NEK7: variants seen among roughly 807,000 people sequenced by gnomAD.
NEK7 encodes the protein serine/threonine-protein kinase Nek7.
NEK7 carries 18 observed loss-of-function variants against 44.6 expected under a neutral mutation model. The ratio of observed to expected loss-of-function variants is 0.40; its 90% CI spans 0.28 to 0.60. The LOEUF (loss-of-function observed/expected upper bound fraction) is 0.60. NEK7 is among the 20% of genes least tolerant of loss of function. NEK7 has a pLI of 0.38. For missense variants in NEK7, 256 were observed against 366.5 expected, an observed-to-expected ratio of 0.70 and a Z score of 2.46; for synonymous variants, 130 against 121.1, an observed-to-expected ratio of 1.07 and a Z score of -0.48.
intron 1 of NEK7, among the ~76,000 whole-genome samples, chr1:198,230,055 T>A (rs148647760): frequency 6.6e-6 from 1 of 152,302 alleles, no homozygotes; most frequent in African/African-American, 2.4e-5. Flanking sequence ...AAGAAACTTT[T>A]ACTAATTGCA....
chr1:198,259,096 CCT>C (rs1232600906), intron 3 of NEK7, among the ~76,000 whole-genome samples: 2 of 151,918 alleles, frequency 1.3e-5, no homozygotes, highest in Non-Finnish European at 2.9e-5. Context: ...CTTATTTCTC[CCT>C]GTGTTTGAGG....
At chr1:198,195,072 G>A (rs1218537951) in intron 1 of NEK7, among the ~76,000 whole-genome samples, 7 of 152,166 alleles carry the variant, frequency 4.6e-5, no homozygotes, top group Middle Eastern at 3.2e-3. Flanking sequence ...GATATTGACA[G>A]TGGAGAGTAG....
At chr1:198,286,980 G>A (rs1464683131) in intron 7 of NEK7, among the ~76,000 whole-genome samples, 2 of 152,078 alleles carry the variant, frequency 1.3e-5, no homozygotes, top group Non-Finnish European at 2.9e-5. Context: ...CTATTATGAA[G>A]TCCTCAACCT....
intron 5 of NEK7, among the ~76,000 whole-genome samples, chr1:198,276,639 T>A (rs1654026512): frequency 6.6e-6 from 1 of 151,778 alleles, no homozygotes; most frequent in East Asian, 1.9e-4. Flanking sequence ...AATTGTTATT[T>A]ATTCTTTGGG....
chr1:198,206,888 C>T (rs1407221492), intron 1 of NEK7: 1 of 152,090 alleles, frequency 6.6e-6, no homozygotes, highest in Non-Finnish European at 1.5e-5. Context: ...TCATAAACAA[C>T]TGTCCTCATA....
chr1:198,248,457 T>C (rs1054800277), intron 2 of NEK7, among the ~76,000 whole-genome samples: 1 of 152,202 alleles, frequency 6.6e-6, no homozygotes, highest in Non-Finnish European at 1.5e-5. Context: ...TATCTTATAA[T>C]TATTTCTCTC....
intron 1 of NEK7, among the ~76,000 whole-genome samples, chr1:198,205,053 TCTC>T (rs1665554582): frequency 6.6e-6 from 1 of 152,092 alleles, no homozygotes; most frequent in African/African-American, 2.4e-5. Context: ...CCTTCCTTCT[TCTC>T]CTACTTCCAC....
intron 1 of NEK7, among the ~76,000 whole-genome samples, chr1:198,184,791 C>T (rs1217093159): frequency 6.6e-6 from 1 of 152,082 alleles, no homozygotes; most frequent in East Asian, 1.9e-4. Flanking sequence ...GCTTCGGCCT[C>T]CCAAGTAGCT....
chr1:198,214,283 A>G (rs1216497622), intron 1 of NEK7, among the ~76,000 whole-genome samples: 1 of 152,210 alleles, frequency 6.6e-6, no homozygotes, highest in Non-Finnish European at 1.5e-5. Flanking sequence ...GTTCTATAAC[A>G]CCCCTAAAAG....
At position 198,159,776 on chromosome 1, in the gene NEK7, C is replaced by T. The variant is rs539274187; in HGVS notation, c.-29+2500C>T. 2.0e-5 allele frequency among the ~76,000 whole-genome samples: 3 copies of T among 152,228 alleles called. No homozygotes were observed. The South Asian group carries it at 6.2e-4, about 32-fold the overall frequency. On this transcript the variant is annotated intron_variant, in intron 1 of 9. Transcript: ENST00000367385. ...ACTTACCCAAAGAATGAGGAAAGCA[C>T]ATATGGTATGATGGCAGTGTACTAG...
At chr1:198,229,587 C>G (rs1396681231) in intron 1 of NEK7, among the ~76,000 whole-genome samples, 1 of 152,148 alleles carries the variant, frequency 6.6e-6, no homozygotes. Flanking sequence ...TTGGAGGAAA[C>G]CCAGCTGGTG....
intron 5 of NEK7, among the ~76,000 whole-genome samples, chr1:198,266,812 T>A (rs1488786991): frequency 6.6e-6 from 1 of 152,100 alleles, no homozygotes; most frequent in African/African-American, 2.4e-5. Context: ...ATGTATGATA[T>A]CTGATAGGTA....
intron 7 of NEK7, among the ~76,000 whole-genome samples, chr1:198,284,242 T>G (rs1271611562): frequency 6.6e-6 from 1 of 152,204 alleles, no homozygotes; most frequent in East Asian, 1.9e-4. Flanking sequence ...TAGTCTGGGT[T>G]TACTCTAGCA....
In NEK7 at chr1:198,187,383, C is replaced by G. The variant is rs114259286; in HGVS notation, c.-29+30107C>G. 3.0e-3 allele frequency among the ~76,000 whole-genome samples: 452 copies of G among 152,226 alleles called. 1 individual carries two copies. The highest frequency in any genetic ancestry group is 5.8e-3 in the Admixed American group (89 of 15,290). On this transcript the variant is annotated intron_variant, in intron 1 of 9. Transcript: ENST00000367385. The stretch of plus-strand genomic sequence containing the variant: ...CAGGATTAATGAACCACCCCTGGGC[C>G]CTCATGTGAGTCAGCATCTCTTCCA...
chr1:198,232,836 TA>T (rs774287823), intron 2 of NEK7, among the ~76,000 whole-genome samples, 199 bp downstream of exon 2: 250 of 151,956 alleles, frequency 1.6e-3, no homozygotes, highest in Middle Eastern at 6.8e-3. Flanking sequence ...ATAATTGTTT[TA>T]GGTGTAATTA....
intron 2 of NEK7, 96 bp from the exon 3 acceptor site, chr1:198,252,944 C>A: frequency 9.9e-7 from 1 of 1,006,784 alleles, no homozygotes; most frequent in African/African-American, 1.6e-5. Flanking sequence ...GCAAACTTAC[C>A]CTATGTGTCA....
chr1:198,177,585 A>T (rs1006813142), intron 1 of NEK7, among the ~76,000 whole-genome samples: 2 of 152,140 alleles, frequency 1.3e-5, no homozygotes, highest in African/African-American at 4.8e-5. Context: ...TGCTTTTTTT[A>T]AATGTAGAAG....
chr1:198,262,567 GT>G lies in NEK7; in HGVS notation c.199-3del. On this transcript the variant is annotated splice_region_variant and splice_polypyrimidine_tract_variant and intron_variant, in intron 3 of 9. Transcript: ENST00000367385. ...ATTTTATTAAGTAATTCTGGGTTCT[GT>G]TTTTAGATATTTGATTTAATGGATG... The G allele has an allele frequency of 1.3e-6, 2 of 1,567,206 alleles. No individual in the cohort carries two copies. Among genetic ancestry groups the G allele is most frequent in the Non-Finnish European group, 1.7e-6 (2 of 1,144,136 alleles).
At chr1:198,298,250 CT>C (rs1336360391) in intron 9 of NEK7, among the ~76,000 whole-genome samples, 7 of 152,168 alleles carry the variant, frequency 4.6e-5, no homozygotes, top group African/African-American at 1.2e-4. Flanking sequence ...TCATGTCAGT[CT>C]TTCTATTGTG....
Sources: allele counts gnomAD v4.1 joint callset (sites outside exome capture counted in the v4.1 genomes callset), GRCh38; gene constraint gnomAD v4.1.1; transcripts MANE v1.5; gene names NCBI Gene and HGNC (gene_info 2026-07-23, HGNC 2026-07-21).